Variants in RAD21L1 observed in about 807,000 individuals in gnomAD.
RAD21L1 encodes the protein double-strand-break repair protein rad21-like protein 1.
A neutral mutation model predicts 69.0 loss-of-function variants in RAD21L1; 47 were observed. The ratio of observed to expected loss-of-function variants is 0.68; its 90% CI spans 0.54 to 0.87. The LOEUF (loss-of-function observed/expected upper bound fraction) is 0.87, where lower values mean the gene tolerates loss of function less well. Among genes scored for constraint, RAD21L1 ranks in the 40% least tolerant of loss-of-function variants. RAD21L1 has a pLI of 0.00. For synonymous variants in RAD21L1, 177 were observed against 205.8 expected (o/e 0.86, Z 1.20); for missense variants, 583 against 647.6 (o/e 0.90, Z 1.08).
chr20:1,248,215 G>A (rs537876221), intron 12 of RAD21L1, among the ~76,000 whole-genome samples: 1 of 152,120 alleles, frequency 6.6e-6, no homozygotes, highest in South Asian at 2.1e-4. Context: ...GATAAGTTCA[G>A]ATAAAGGCCT....
At chr20:1,238,573 CTAAGT>C (rs897575694) in intron 6 of RAD21L1, among the ~76,000 whole-genome samples, 73 of 151,962 alleles carry the variant, frequency 4.8e-4, no homozygotes, top group African/African-American at 1.7e-3. Flanking sequence ...TGTGGGGCAG[CTAAGT>C]TATTTTCCAG....
At chr20:1,233,063 G>A (rs1252196057) in intron 4 of RAD21L1, among the ~76,000 whole-genome samples, 3 of 152,164 alleles carry the variant, frequency 2.0e-5, no homozygotes, top group Admixed American at 2.0e-4. Context: ...CCTTGATCTT[G>A]TACTTCACAT....
At chr20:1,232,033 TAAAC>T (rs2087401324) in intron 4 of RAD21L1, among the ~76,000 whole-genome samples, 1 of 152,030 alleles carries the variant, frequency 6.6e-6, no homozygotes, top group Middle Eastern at 3.2e-3. Context: ...ATGAAATAAA[TAAAC>T]AGTAAGACAG....
At position 1,255,112 on chromosome 20, in the gene RAD21L1, A is replaced by G. The variant is rs2087909906; in HGVS notation, c.*655A>G. On this transcript the variant is annotated 3_prime_UTR_variant, in exon 14 of 14. Coordinates refer to ENST00000683101, the MANE Select transcript of RAD21L1 (RefSeq NM_001384355.1). ...TCCAATATTTTAATTGAAGAGTTAC[A>G]AAGCTCATCTTTGCTTTAAATTGCC... Among the ~76,000 whole-genome samples, 1 of 152,230 alleles carries G rather than the reference A, an allele frequency of 6.6e-6. No individual in the cohort carries two copies. The highest frequency in any genetic ancestry group is 6.5e-5 in the Admixed American group (1 of 15,282).
At chr20:1,239,272 T>C in intron 6 of RAD21L1, 40 bp from the exon 7 acceptor site, 1 of 1,096,412 alleles carries the variant, frequency 9.1e-7, no homozygotes, top group Non-Finnish European at 1.4e-6. Context: ...AAATGACAGA[T>C]TCCAGTCTGT....
intron 13 of RAD21L1, among the ~76,000 whole-genome samples, chr20:1,250,044 G>A (rs116863079): frequency 0.052 from 7,275 of 140,430 alleles, 233 homozygotes; most frequent in South Asian, 0.091. Context: ...TGTGTTGTTC[G>A]CCTTCTTGTG....
rs1296153412 is a variant in RAD21L1 at position 1,254,288 on chromosome 20, T to A, written c.1499T>A (p.Met500Lys). The A allele has an allele frequency of 3.9e-6, 6 of 1,529,174 alleles. No homozygotes were observed. Among genetic ancestry groups the A allele is most frequent in the Non-Finnish European group, 1.8e-6 (2 of 1,134,378 alleles). 94.7% of individuals were successfully genotyped at this position (1,529,174 alleles called of 1,614,324 possible). ...NRLRESNKMGMQSFSLMKLCR... is the reference protein window; with the variant it reads ...NRLRESNKMGKQSFSLMKLCR... Reference sequence around the variant, plus strand: ...TCCCAGGAATCTAACAAGATGGGAATGCAGTCCTTTAGTCTGATGAAGCTC... The same window carrying A: ...TCCCAGGAATCTAACAAGATGGGAAAGCAGTCCTTTAGTCTGATGAAGCTC... Residue 500 changes from methionine to lysine, a missense_variant, in exon 14 of 14, where the codon ATG becomes AAG. By Grantham distance (95) the Met-to-Lys change is moderately conservative (BLOSUM62 -1). Transcript: ENST00000683101.
At chr20:1,252,944 A>G (rs1185338588) in intron 13 of RAD21L1, among the ~76,000 whole-genome samples, 1 of 152,186 alleles carries the variant, frequency 6.6e-6, no homozygotes, top group Non-Finnish European at 1.5e-5. Flanking sequence ...AGGGAACACA[A>G]ATAAACGCTT....
At chr20:1,248,955 G>A (rs538496612) in intron 13 of RAD21L1, among the ~76,000 whole-genome samples, 4 of 152,034 alleles carry the variant, frequency 2.6e-5, no homozygotes, top group South Asian at 2.1e-4. Context: ...TCCCATCCTC[G>A]TTTTTAGCAT....
chr20:1,228,519 C>T lies in RAD21L1; in HGVS notation c.66C>T (p.His22=). Residue 22 remains histidine, a synonymous_variant, in exon 2 of 14, where the codon CAC becomes CAT. Transcript: ENST00000683101. ...GPLAKIWLAA[H]WEKKLTKAHV... ...TGGCCAAAATATGGCTTGCAGCTCA[C>T]TGGGAGAAGAAACTCACAAAGGCCC... 1 of 1,550,202 alleles carries T rather than the reference C, an allele frequency of 6.5e-7. No individual in the cohort carries two copies. The highest frequency in any genetic ancestry group is 8.7e-7 in the Non-Finnish European group (1 of 1,146,112).
At position 1,234,195 on chromosome 20, in the gene RAD21L1, A is replaced by G. The variant is rs1204589782; in HGVS notation, c.475+4A>G. On this transcript the variant is annotated splice_donor_region_variant and intron_variant, in intron 5 of 13. Coordinates refer to ENST00000683101, the MANE Select transcript of RAD21L1 (RefSeq NM_001384355.1). ...ATTTTCCAAGCTGAGAGCTTTGGTG[A>G]GAATATTTGAGAACTCAAAATTACA... 1.6e-6 allele frequency: 2 copies of G among 1,261,424 alleles called. No homozygotes were observed. The highest frequency in any genetic ancestry group is 2.2e-6 in the Non-Finnish European group (2 of 891,694). 78.1% of individuals were successfully genotyped at this position (1,261,424 alleles called of 1,614,324 possible).
chr20:1,228,356 A>T (rs978377422), intron 1 of RAD21L1, 66 bp from the exon 2 acceptor site: 2 of 721,562 alleles, frequency 2.8e-6, no homozygotes, highest in African/African-American at 3.7e-5. Flanking sequence ...ATTAATACAT[A>T]TTTTTCTTAT....
chr20:1,251,354 T>G (rs1347590273), intron 13 of RAD21L1, among the ~76,000 whole-genome samples: 2 of 142,888 alleles, frequency 1.4e-5, no homozygotes, highest in African/African-American at 2.7e-5. Context: ...ACTCTGGAAT[T>G]TCATGATGTG....
At chr20:1,238,979 A>G (rs993218591) in intron 6 of RAD21L1, among the ~76,000 whole-genome samples, 2 of 151,974 alleles carry the variant, frequency 1.3e-5, no homozygotes, top group African/African-American at 4.8e-5. Flanking sequence ...GCCCACCACA[A>G]TGTCCAGCTA....
At chr20:1,235,340 G>A (rs556193941) in intron 5 of RAD21L1, among the ~76,000 whole-genome samples, 89 of 152,160 alleles carry the variant, frequency 5.8e-4, no homozygotes, top group African/African-American at 2.1e-3. Flanking sequence ...CTCTGCTTCC[G>A]TAACTCTTGC....
At chr20:1,229,839 C>T (rs1360792235) in intron 2 of RAD21L1, 41 bp from the exon 3 acceptor site, 1 of 1,428,156 alleles carries the variant, frequency 7.0e-7, no homozygotes, top group Non-Finnish European at 9.5e-7. Context: ...GATTTATGAA[C>T]CTAATCTTTA....
At chr20:1,250,709 T>G (rs2087810894) in intron 13 of RAD21L1, among the ~76,000 whole-genome samples, 1 of 152,244 alleles carries the variant, frequency 6.6e-6, no homozygotes, top group Non-Finnish European at 1.5e-5. Flanking sequence ...TATAATCCTT[T>G]ACTTCATTTT....
At chr20:1,227,166 C>T (rs2087282070) in intron 1 of RAD21L1, among the ~76,000 whole-genome samples, 1 of 152,256 alleles carries the variant, frequency 6.6e-6, no homozygotes, top group Non-Finnish European at 1.5e-5. Flanking sequence ...CCGCCTCAGC[C>T]TCCCACAGTG....
chr20:1,237,248 T>A (rs2087516468), intron 5 of RAD21L1, among the ~76,000 whole-genome samples: 1 of 152,180 alleles, frequency 6.6e-6, no homozygotes, highest in South Asian at 2.1e-4. Context: ...GGGAAATAAC[T>A]GATGTCTGGT....
Sources: gnomAD v4.1 joint callset for allele counts (sites outside exome capture counted in the v4.1 genomes callset) on GRCh38, gnomAD v4.1.1 for gene constraint, MANE v1.5 for transcripts, NCBI Gene and HGNC (gene_info 2026-07-23, HGNC 2026-07-21) for gene names.